THSD7B: variants seen among roughly 807,000 people sequenced by gnomAD.
THSD7B encodes thrombospondin type-1 domain-containing protein 7B.
THSD7B carries 138 observed loss-of-function variants against 213.6 expected under a neutral mutation model. That is an observed-to-expected ratio of 0.65 (90% CI 0.56 to 0.74). The LOEUF is 0.74. THSD7B is among the 30% of genes least tolerant of loss of function. The pLI is 0.00. For missense variants in THSD7B, 1,931 were observed against 1,991.5 expected, an observed-to-expected ratio of 0.97 and a Z score of 0.58; for synonymous variants, 742 against 687.0, an observed-to-expected ratio of 1.08 and a Z score of -1.25.
chr2:136,822,613 G>A (rs181527804), intron 1 of THSD7B, among the ~76,000 whole-genome samples: 1 of 152,292 alleles, frequency 6.6e-6, no homozygotes, highest in Admixed American at 6.5e-5. Flanking sequence ...GACTCTTTCT[G>A]TAATTAATTC....
chr2:137,212,951 T>G (rs1359367958), intron 7 of THSD7B, among the ~76,000 whole-genome samples: 1 of 151,718 alleles, frequency 6.6e-6, no homozygotes, highest in Admixed American at 6.6e-5. Flanking sequence ...GACAGGAATG[T>G]TGTTCAATTC....
chr2:136,871,961 A>G (rs1424077911), intron 1 of THSD7B, among the ~76,000 whole-genome samples: 4 of 152,188 alleles, frequency 2.6e-5, no homozygotes, highest in Admixed American at 6.5e-5. Context: ...TCCTGTTTCT[A>G]TGAAGGTGAG....
intron 6 of THSD7B, among the ~76,000 whole-genome samples, chr2:137,160,686 C>T (rs1236390993): frequency 4.6e-5 from 7 of 152,140 alleles, no homozygotes; most frequent in African/African-American, 1.7e-4. Context: ...TGCAATGGCA[C>T]GATCTTGGCT....
chr2:137,271,406 TGA>T (rs1682731563), intron 10 of THSD7B, among the ~76,000 whole-genome samples: 33 of 142,228 alleles, frequency 2.3e-4, no homozygotes, highest in African/African-American at 5.5e-4. Flanking sequence ...TATATATATA[TGA>T]ATTATAATAT....
chr2:137,166,248 G>T (rs1224823337), intron 6 of THSD7B, among the ~76,000 whole-genome samples: 2 of 151,924 alleles, frequency 1.3e-5, no homozygotes, highest in African/African-American at 4.8e-5. Flanking sequence ...ATTTAAATTG[G>T]GTCAGGTTTT....
chr2:137,141,774 C>T (rs755526784), intron 5 of THSD7B, among the ~76,000 whole-genome samples: 1 of 151,922 alleles, frequency 6.6e-6, no homozygotes, highest in Non-Finnish European at 1.5e-5. Flanking sequence ...TTCTTAATAA[C>T]AGTGATAAAA....
chr2:137,210,107 C>T (rs1402774708), intron 7 of THSD7B, among the ~76,000 whole-genome samples: 1 of 152,072 alleles, frequency 6.6e-6, no homozygotes, highest in East Asian at 1.9e-4. Context: ...GAACTTCCAG[C>T]CCTCAGAACT....
chr2:137,465,978 G>C (rs986146420), intron 15 of THSD7B, among the ~76,000 whole-genome samples: 2 of 152,082 alleles, frequency 1.3e-5, no homozygotes, highest in East Asian at 3.9e-4. Context: ...TGTTCCCATG[G>C]TTTGGAGTGG....
At chr2:137,045,298 G>A (rs113916853) in intron 2 of THSD7B, among the ~76,000 whole-genome samples, 1,775 of 152,076 alleles carry the variant, frequency 0.012, 22 homozygotes, top group Middle Eastern at 0.024. Context: ...GCACTTTGAG[G>A]CCATTATGAG....
At chr2:137,263,262 A>AATAT (rs199954462) in intron 10 of THSD7B, among the ~76,000 whole-genome samples, 1 of 151,032 alleles carries the variant, frequency 6.6e-6, no homozygotes, top group Non-Finnish European at 1.5e-5. Context: ...CTATATATAT[A>AATAT]ATATATATAT....
chr2:136,780,378 C>G (rs1282903930), intron 1 of THSD7B, among the ~76,000 whole-genome samples: 4 of 152,142 alleles, frequency 2.6e-5, no homozygotes, highest in African/African-American at 9.7e-5. Flanking sequence ...CCAAAAAGGC[C>G]TAACTCCAAA....
chr2:137,505,400 G>A (rs942762205), intron 15 of THSD7B, among the ~76,000 whole-genome samples: 2 of 152,116 alleles, frequency 1.3e-5, no homozygotes, highest in African/African-American at 4.8e-5. Flanking sequence ...CCACAGGTTG[G>A]GTCACAATGG....
intron 1 of THSD7B, among the ~76,000 whole-genome samples, chr2:136,847,764 T>G (rs1394112038): frequency 1.3e-5 from 2 of 152,178 alleles, no homozygotes; most frequent in African/African-American, 4.8e-5. Flanking sequence ...AGCAGAACTT[T>G]GTCTTTTGAG....
At chr2:137,557,208 G>T (rs1395584500) in intron 15 of THSD7B, among the ~76,000 whole-genome samples, 1 of 152,160 alleles carries the variant, frequency 6.6e-6, no homozygotes, top group Non-Finnish European at 1.5e-5. Context: ...GACATCTACA[G>T]AACTCTCCAC....
At chr2:136,950,258 AAAAAATAAAAAT>A (rs145650223) in intron 2 of THSD7B, among the ~76,000 whole-genome samples, 13 of 151,834 alleles carry the variant, frequency 8.6e-5, no homozygotes, top group African/African-American at 7.3e-5. Flanking sequence ...TCTCAGAAGA[AAAAAATAAAAAT>A]AAAAATAAAA....
intron 4 of THSD7B, among the ~76,000 whole-genome samples, chr2:137,099,227 A>G (rs1688099946): frequency 6.6e-6 from 1 of 152,240 alleles, no homozygotes; most frequent in African/African-American, 2.4e-5. Flanking sequence ...ATGTTATTCT[A>G]TGTCCCCAAA....
At chr2:137,130,625 G>A (rs1395083306) in intron 5 of THSD7B, among the ~76,000 whole-genome samples, 3 of 149,320 alleles carry the variant, frequency 2.0e-5, no homozygotes, top group Non-Finnish European at 4.4e-5. Context: ...GAGAACATGT[G>A]GTGTTTGGTT....
At chr2:137,531,512 ATATCT>A (rs1203776258) in intron 15 of THSD7B, among the ~76,000 whole-genome samples, 3 of 151,876 alleles carry the variant, frequency 2.0e-5, no homozygotes, top group Admixed American at 2.0e-4. Flanking sequence ...GCTTACTTTC[ATATCT>A]TATCTTCTGC....
chr2:136,905,877 G>C (rs926946265), intron 2 of THSD7B, among the ~76,000 whole-genome samples: 1 of 152,204 alleles, frequency 6.6e-6, no homozygotes, highest in African/African-American at 2.4e-5. Context: ...CTTATATTAG[G>C]GAGGGGAGGG....
Sources: gnomAD v4.1 joint callset for allele counts (sites outside exome capture counted in the v4.1 genomes callset) on GRCh38, gnomAD v4.1.1 for gene constraint, MANE v1.5 for transcripts, NCBI Gene and HGNC (gene_info 2026-07-23, HGNC 2026-07-21) for gene names.